The following FAAH2 variants were observed in gnomAD, a reference collection of about 807,000 sequenced individuals.
FAAH2 encodes the protein fatty-acid amide hydrolase 2.
Under a neutral mutation model 36.9 loss-of-function variants are expected in FAAH2, and 60 were observed. The observed-to-expected ratio is 1.63, with a 90% CI of 1.32 to 2.02. The LOEUF (loss-of-function observed/expected upper bound fraction) is 2.02, where lower values mean the gene tolerates loss of function less well. Ranked by LOEUF, FAAH2 falls within the 30% of genes most tolerant of loss-of-function variation. The pLI is 0.00. For missense variants in FAAH2, 689 were observed against 397.5 expected, an observed-to-expected ratio of 1.73 and a Z score of -6.23; for synonymous variants, 214 against 143.8, an observed-to-expected ratio of 1.49 and a Z score of -3.49.
At chrX:57,381,066 A>G (rs1236224790) in intron 7 of FAAH2, 37 bp downstream of exon 7, 1 of 1,007,845 alleles carries the variant, frequency 9.9e-7, no homozygotes, top group Non-Finnish European at 1.4e-6. Flanking sequence ...AATTATTTTT[A>G]GTCAAAGAGA....
At chrX:57,361,456 G>T (rs2054283737) in intron 5 of FAAH2, among the ~76,000 whole-genome samples, 1 of 110,726 alleles carries the variant, frequency 9.0e-6, no homozygotes. Flanking sequence ...AACTACTAAT[G>T]TATCCCATGG....
At chrX:57,132,602 A>G in the FAAH2 span, among the ~76,000 whole-genome samples, 132 of 112,764 alleles carry the variant, frequency 1.2e-3, no homozygotes, top group African/African-American at 4.0e-3. Flanking sequence ...CACCACGTCT[A>G]CTACCACCAG....
chrX:57,262,776 G>A, the FAAH2 span, among the ~76,000 whole-genome samples: 1 of 110,905 alleles, frequency 9.0e-6, no homozygotes, highest in Admixed American at 9.7e-5. Flanking sequence ...GACCAAGTGG[G>A]GTTTATTCCA....
chrX:57,380,656 A>G (rs1490890293), intron 6 of FAAH2, among the ~76,000 whole-genome samples: 1 of 112,152 alleles, frequency 8.9e-6, no homozygotes. Context: ...AATCATTTCT[A>G]GCATGAACTA....
the FAAH2 span, among the ~76,000 whole-genome samples, chrX:57,246,358 C>A: frequency 2.0e-4 from 22 of 111,735 alleles, no homozygotes; most frequent in Admixed American, 9.5e-5. Flanking sequence ...AAAGGGAATC[C>A]TCCTTAACTC....
At chrX:57,323,179 C>T (rs1020339532) in intron 3 of FAAH2, among the ~76,000 whole-genome samples, 6 of 111,637 alleles carry the variant, frequency 5.4e-5, no homozygotes, top group Non-Finnish European at 1.1e-4. Context: ...TTTTTTATGG[C>T]CACATACTAT....
chrX:57,368,627 G>A lies in FAAH2; in HGVS notation c.743-10024G>A, dbSNP rs561037694. 5.1e-4 allele frequency among the ~76,000 whole-genome samples: 57 copies of A among 111,971 alleles called. 1 individual carries two copies. The South Asian group carries it at 0.021, about 40-fold the overall frequency. On this transcript the variant is annotated intron_variant, in intron 5 of 10. Coordinates refer to ENST00000374900, the MANE Select transcript of FAAH2 (RefSeq NM_174912.4). ...GGCATTGCTGGTGTTGACTACAGCT[G>A]AAGGAACTGCATAGAGACTATGCTA...
chrX:57,223,380 A>G, the FAAH2 span, among the ~76,000 whole-genome samples: 1 of 111,914 alleles, frequency 8.9e-6, no homozygotes, highest in Non-Finnish European at 1.9e-5. Context: ...AAAAGCAAGG[A>G]CCATGGTATG....
intron 5 of FAAH2, among the ~76,000 whole-genome samples, chrX:57,341,924 T>C (rs977231927): frequency 9.0e-6 from 1 of 111,448 alleles, no homozygotes; most frequent in African/African-American, 3.3e-5. Flanking sequence ...CAAGGAGTAT[T>C]TATTTTGTAT....
intron 7 of FAAH2, chrX:57,393,437 C>G (rs999758648): frequency 3.2e-5 from 26 of 824,232 alleles, no homozygotes; most frequent in Non-Finnish European, 4.4e-5. Flanking sequence ...TGCTCCAAAT[C>G]CCGCCTCCGT....
intron 5 of FAAH2, 137 bp from the exon 6 acceptor site, chrX:57,378,514 C>A: frequency 5.4e-6 from 4 of 737,314 alleles, no homozygotes; most frequent in Non-Finnish European, 5.9e-6. Flanking sequence ...GAAACTACTG[C>A]AATGAGATAT....
At chrX:57,313,268 C>T (rs978039618) in intron 3 of FAAH2, among the ~76,000 whole-genome samples, 3 of 109,250 alleles carry the variant, frequency 2.7e-5, no homozygotes, top group Non-Finnish European at 5.7e-5. Flanking sequence ...ACCTATGACT[C>T]ATCAGGATTC....
At chrX:57,417,150 T>A (rs2055866536) in intron 7 of FAAH2, among the ~76,000 whole-genome samples, 1 of 111,776 alleles carries the variant, frequency 8.9e-6, no homozygotes, top group African/African-American at 3.3e-5. Context: ...GTTCTTAGCT[T>A]TTTTTGCATT....
chrX:57,358,731 A>G (rs2054219573), intron 5 of FAAH2, among the ~76,000 whole-genome samples: 2 of 111,478 alleles, frequency 1.8e-5, no homozygotes, highest in African/African-American at 6.5e-5. Flanking sequence ...AGGTGGATAA[A>G]TATCTAGAAG....
chrX:57,127,445 C>T, the FAAH2 span, among the ~76,000 whole-genome samples: 1 of 111,449 alleles, frequency 9.0e-6, no homozygotes, highest in Non-Finnish European at 1.9e-5. Flanking sequence ...TTATATTTTC[C>T]TCATAGGAAG....
chrX:57,424,192 A>G (rs113232778), intron 7 of FAAH2, among the ~76,000 whole-genome samples: 9,781 of 111,861 alleles, frequency 0.087, 371 homozygotes, highest in Middle Eastern at 0.36. Context: ...CTGCTACTCC[A>G]GTCAGTCCTT....
intron 10 of FAAH2, among the ~76,000 whole-genome samples, chrX:57,486,451 A>G (rs2057475927): frequency 9.0e-6 from 1 of 111,492 alleles, no homozygotes; most frequent in Non-Finnish European, 1.9e-5. Flanking sequence ...AGCTAAGCAA[A>G]CTCATGCACT....
chrX:57,126,247 T>C, the FAAH2 span, among the ~76,000 whole-genome samples: 2 of 112,383 alleles, frequency 1.8e-5, no homozygotes, highest in South Asian at 7.3e-4. Flanking sequence ...GACATGTATG[T>C]ATGGCTAGAA....
chrX:57,398,272 C>T (rs1602531376), intron 7 of FAAH2, among the ~76,000 whole-genome samples: 2 of 111,919 alleles, frequency 1.8e-5, no homozygotes. Context: ...AATGGAGCTG[C>T]TTTTAAGATT....
Sources: allele counts gnomAD v4.1 joint callset (sites outside exome capture counted in the v4.1 genomes callset), GRCh38; gene constraint gnomAD v4.1.1; transcripts MANE v1.5; gene names NCBI Gene and HGNC (gene_info 2026-07-23, HGNC 2026-07-21).